The following DNER variants were observed in gnomAD, a reference collection of about 807,000 sequenced individuals.
The protein encoded by DNER is delta/notch like EGF repeat containing, also known as delta and Notch-like epidermal growth factor-related receptor.
In DNER, 33 loss-of-function variants were observed where a neutral mutation model predicts 78.2. The ratio of observed to expected loss-of-function variants is 0.42; its 90% CI spans 0.32 to 0.56. The LOEUF is 0.56. DNER is among the 20% of genes least tolerant of loss of function. The pLI, the probability that DNER is intolerant of heterozygous loss-of-function variation, is 0.11. For synonymous variants in DNER, 417 were observed against 384.8 expected (o/e 1.08, Z -0.98); for missense variants, 918 against 975.3 (o/e 0.94, Z 0.78).
intron 1 of DNER, among the ~76,000 whole-genome samples, chr2:229,667,678 A>T (rs183543194): frequency 1.3e-5 from 2 of 152,260 alleles, no homozygotes; most frequent in East Asian, 3.9e-4. Context: ...CACTACCCCC[A>T]ATGCATTTTC....
chr2:229,437,762 T>C lies in DNER; in HGVS notation c.1486+9554A>G, dbSNP rs376097410. On this transcript the variant is annotated intron_variant, in intron 8 of 12. Transcript: ENST00000341772. ...AGAACTAAAAACAACAAAAGTCAAA[T>C]ATGAAAAGGAAAGAACATTTCAGGG... is the stretch of plus-strand genomic sequence containing the variant. Among the ~76,000 whole-genome samples, 8 of 152,080 alleles carry C rather than the reference T, an allele frequency of 5.3e-5. No homozygotes were observed. The South Asian group carries it at 1.7e-3, about 32-fold the overall frequency.
intron 1 of DNER, among the ~76,000 whole-genome samples, chr2:229,634,633 T>TA (rs139226338): frequency 0.012 from 1,865 of 152,084 alleles, 38 homozygotes; most frequent in African/African-American, 0.042. Flanking sequence ...CACTTTTTCT[T>TA]AAAAAAAATA....
At chr2:229,615,139 T>C (rs554178028) in intron 1 of DNER, among the ~76,000 whole-genome samples, 25 of 151,164 alleles carry the variant, frequency 1.7e-4, no homozygotes, top group South Asian at 6.3e-4. Flanking sequence ...AGGCCGGGCG[T>C]GGTGGCTCAT....
At chr2:229,363,726 C>G (rs2106324957) in intron 12 of DNER, among the ~76,000 whole-genome samples, 1 of 152,312 alleles carries the variant, frequency 6.6e-6, no homozygotes, top group East Asian at 1.9e-4. Context: ...AGTTAAATAT[C>G]TTCCCCATGG....
intron 10 of DNER, among the ~76,000 whole-genome samples, chr2:229,391,382 T>C (rs1215008407): frequency 6.6e-6 from 1 of 152,238 alleles, no homozygotes; most frequent in African/African-American, 2.4e-5. Context: ...GACCTTTTAG[T>C]TGGCTCACTT....
At chr2:229,706,681 G>C (rs1403682326) in intron 1 of DNER, among the ~76,000 whole-genome samples, 2 of 152,132 alleles carry the variant, frequency 1.3e-5, no homozygotes, top group Non-Finnish European at 2.9e-5. Flanking sequence ...ATGTGGCTGT[G>C]CTCAAAACAA....
chr2:229,541,372 T>C (rs565016361), intron 5 of DNER, among the ~76,000 whole-genome samples: 4 of 152,312 alleles, frequency 2.6e-5, no homozygotes, highest in South Asian at 2.1e-4. Flanking sequence ...AACTTGGCTG[T>C]GCCACAGTGC....
intron 5 of DNER, among the ~76,000 whole-genome samples, chr2:229,545,198 G>T (rs187933531): frequency 6.6e-6 from 1 of 152,272 alleles, no homozygotes; most frequent in East Asian, 1.9e-4. Flanking sequence ...GTCCCCTAAT[G>T]GAACAGGCCC....
intron 12 of DNER, among the ~76,000 whole-genome samples, chr2:229,363,006 C>T (rs997982086): frequency 1.3e-5 from 2 of 152,192 alleles, no homozygotes; most frequent in African/African-American, 4.8e-5. Flanking sequence ...CCTCCATTGT[C>T]TTTTTCCCGT....
At chr2:229,620,572 G>A (rs1356886041) in intron 1 of DNER, among the ~76,000 whole-genome samples, 1 of 152,242 alleles carries the variant, frequency 6.6e-6, no homozygotes, top group Non-Finnish European at 1.5e-5. Flanking sequence ...GTGCTCGGTA[G>A]CTCCTGCAGA....
At chr2:229,631,488 G>A (rs1236607575) in intron 1 of DNER, among the ~76,000 whole-genome samples, 1 of 152,204 alleles carries the variant, frequency 6.6e-6, no homozygotes, top group Non-Finnish European at 1.5e-5. Context: ...TCACATTGCT[G>A]ATGGAGCTTT....
intron 4 of DNER, among the ~76,000 whole-genome samples, chr2:229,567,062 T>C (rs1697123687): frequency 6.6e-6 from 1 of 152,290 alleles, no homozygotes; most frequent in Admixed American, 6.5e-5. Flanking sequence ...CCTCTAATAT[T>C]ATGCACTCCC....
At chr2:229,689,488 A>G (rs1699534206) in intron 1 of DNER, among the ~76,000 whole-genome samples, 1 of 152,272 alleles carries the variant, frequency 6.6e-6, no homozygotes, top group Non-Finnish European at 1.5e-5. Flanking sequence ...TCAGCATACT[A>G]GAAAGCACTG....
chr2:229,358,730 T>C (rs1372245694), intron 12 of DNER, 79 bp from the exon 13 acceptor site: 3 of 1,174,034 alleles, frequency 2.6e-6, no homozygotes, highest in Non-Finnish European at 3.7e-6. Flanking sequence ...GAGAATAATT[T>C]ATATGCATGA....
intron 1 of DNER, among the ~76,000 whole-genome samples, chr2:229,654,179 T>G (rs1698872300): frequency 6.6e-6 from 1 of 152,056 alleles, no homozygotes; most frequent in African/African-American, 2.4e-5. Flanking sequence ...GTGTTCTCAT[T>G]GTTCAGTTCC....
At chr2:229,439,550 C>T (rs1694191964) in intron 8 of DNER, among the ~76,000 whole-genome samples, 1 of 152,230 alleles carries the variant, frequency 6.6e-6, no homozygotes, top group Admixed American at 6.5e-5. Context: ...CCTTTCCATC[C>T]AGCCAAGGAA....
chr2:229,556,688 A>T (rs1032806714), intron 4 of DNER, among the ~76,000 whole-genome samples: 3 of 152,178 alleles, frequency 2.0e-5, no homozygotes, highest in African/African-American at 7.2e-5. Flanking sequence ...CTTAGAGACA[A>T]CTCTGAAAAT....
intron 8 of DNER, among the ~76,000 whole-genome samples, chr2:229,424,256 C>T (rs1477649467): frequency 1.3e-5 from 2 of 152,122 alleles, no homozygotes; most frequent in African/African-American, 4.8e-5. Context: ...TTGTTTAATT[C>T]TCATAAAAAC....
chr2:229,392,979 T>C (rs1333389640), intron 10 of DNER, among the ~76,000 whole-genome samples: 1 of 151,666 alleles, frequency 6.6e-6, no homozygotes, highest in Non-Finnish European at 1.5e-5. Flanking sequence ...AAGACACAAA[T>C]TCAGAAACAA....
Sources: allele counts gnomAD v4.1 joint callset (sites outside exome capture counted in the v4.1 genomes callset), GRCh38; gene constraint gnomAD v4.1.1; transcripts MANE v1.5; gene names NCBI Gene and HGNC (gene_info 2026-07-23, HGNC 2026-07-21).